The following KPNA5 variants were observed in gnomAD, a reference collection of about 807,000 sequenced individuals.
KPNA5 encodes karyopherin subunit alpha 5.
KPNA5 carries 46 observed loss-of-function variants against 71.3 expected under a neutral mutation model. The ratio of observed to expected loss-of-function variants is 0.65; its 90% CI spans 0.51 to 0.83. The LOEUF is 0.83. Ranked by LOEUF, KPNA5 falls within the 40% of genes least tolerant of loss-of-function variation. KPNA5 has a pLI of 0.00. For synonymous variants in KPNA5, 207 were observed against 201.4 expected, an observed-to-expected ratio of 1.03 and a Z score of -0.24; for missense variants, 547 against 628.3, an observed-to-expected ratio of 0.87 and a Z score of 1.38.
intron 1 of KPNA5, among the ~76,000 whole-genome samples, chr6:116,682,404 A>C (rs1777398907): frequency 6.6e-6 from 1 of 152,250 alleles, no homozygotes; most frequent in South Asian, 2.1e-4. Context: ...AGACAAAAAC[A>C]CTAATGATTT....
chr6:116,731,086 T>C (rs1218076764), intron 13 of KPNA5, among the ~76,000 whole-genome samples: 1 of 152,162 alleles, frequency 6.6e-6, no homozygotes, highest in East Asian at 1.9e-4. Context: ...TTTTTTTATT[T>C]GCCAAGTTTT....
chr6:116,689,719 C>T (rs1777721182), intron 2 of KPNA5, among the ~76,000 whole-genome samples: 1 of 152,122 alleles, frequency 6.6e-6, no homozygotes, highest in African/African-American at 2.4e-5. Flanking sequence ...CCTCTTGCAT[C>T]TATTTAGATC....
At chr6:116,709,919 C>T (rs1778588758) in intron 7 of KPNA5, among the ~76,000 whole-genome samples, 1 of 152,040 alleles carries the variant, frequency 6.6e-6, no homozygotes, top group African/African-American at 2.4e-5. Context: ...CACTACCACG[C>T]CCAGCTAATT....
At position 116,737,907 on chromosome 6, in the gene KPNA5, T is replaced by C. The variant is rs1276845017; in HGVS notation, c.*5584T>C. 4 of 151,970 alleles carry C rather than the reference T, an allele frequency of 2.6e-5. No individual in the cohort carries two copies. Among genetic ancestry groups the C allele is most frequent in the African/African-American group, 9.7e-5 (4 of 41,432 alleles). The allele number at this position is 151,970 out of a possible 1,614,324, so 9.4% of individuals were successfully genotyped here. A position where few individuals can be genotyped will look rare whatever the true frequency, so the allele number is the denominator to read the frequency against. ...CATAATTTTAGAATTTCCAATCTTTTATTCTCTTTGGATTTATTCTTAAGT... is the reference window on the plus strand; with the variant it reads ...CATAATTTTAGAATTTCCAATCTTTCATTCTCTTTGGATTTATTCTTAAGT... On this transcript the variant is annotated 3_prime_UTR_variant, in exon 14 of 14. Coordinates refer to ENST00000368564, the MANE Select transcript of KPNA5 (RefSeq NM_001366306.2).
Position 116,733,032 on chromosome 6 carries a change from T to C in KPNA5, c.*709T>C, listed in dbSNP as rs1779552315. 1 of 151,862 alleles carries C rather than the reference T, an allele frequency of 6.6e-6. No individual in the cohort carries two copies. Among genetic ancestry groups the C allele is most frequent in the Admixed American group, 6.6e-5 (1 of 15,206 alleles). The allele number at this position is 151,862 out of a possible 1,614,324, so 9.4% of individuals were successfully genotyped here. ...TTACTTTATAAAATGTTTAAATATT[T>C]CTGTTTTTAACATATAAGTGCTATG... On this transcript the variant is annotated 3_prime_UTR_variant, in exon 14 of 14. Coordinates refer to ENST00000368564, the MANE Select transcript of KPNA5 (RefSeq NM_001366306.2).
chr6:116,719,533 G>GT (rs747380261), intron 8 of KPNA5, among the ~76,000 whole-genome samples: 7 of 152,110 alleles, frequency 4.6e-5, no homozygotes, highest in Non-Finnish European at 7.4e-5. Flanking sequence ...GAGGTATAGA[G>GT]TAGGTAACAT....
chr6:116,686,725 G>C (rs190148234), intron 1 of KPNA5, among the ~76,000 whole-genome samples: 2 of 152,132 alleles, frequency 1.3e-5, no homozygotes, highest in African/African-American at 4.8e-5. Context: ...GTATATGGAA[G>C]GGGTCCAGTT....
chr6:116,716,437 C>A, intron 8 of KPNA5, 119 bp downstream of exon 8: 2 of 717,318 alleles, frequency 2.8e-6, no homozygotes, highest in Non-Finnish European at 4.8e-6. Flanking sequence ...CTTTATTGAC[C>A]AATGTTTGCA....
intron 7 of KPNA5, among the ~76,000 whole-genome samples, chr6:116,711,187 C>A (rs1188350616): frequency 6.6e-6 from 1 of 151,314 alleles, no homozygotes; most frequent in Non-Finnish European, 1.5e-5. Context: ...AGCCACCGCG[C>A]CCAGCCAAAT....
chr6:116,726,435 T>C, intron 11 of KPNA5, 60 bp from the exon 12 acceptor site: 4 of 1,378,276 alleles, frequency 2.9e-6, no homozygotes, highest in Non-Finnish European at 3.9e-6. Flanking sequence ...CAAGATTTTT[T>C]TTACTGGTAA....
intron 8 of KPNA5, among the ~76,000 whole-genome samples, chr6:116,716,574 A>G (rs1778896608): frequency 6.6e-6 from 1 of 152,188 alleles, no homozygotes; most frequent in Non-Finnish European, 1.5e-5. Flanking sequence ...TGATTTCAGA[A>G]ATCTTCTAGT....
chr6:116,704,613 G>C (rs926570848), intron 6 of KPNA5, among the ~76,000 whole-genome samples: 2 of 151,804 alleles, frequency 1.3e-5, no homozygotes, highest in Non-Finnish European at 2.9e-5. Context: ...TTTGGAGACA[G>C]GGTTTCGCTC....
chr6:116,708,822 GT>G (rs1222131297), intron 7 of KPNA5, among the ~76,000 whole-genome samples: 1 of 152,120 alleles, frequency 6.6e-6, no homozygotes, highest in African/African-American at 2.4e-5. Flanking sequence ...GTCTTGCTCT[GT>G]CACCTAGGCT....
In KPNA5 at chr6:116,739,457, C is replaced by G. The variant is rs1351335970; in HGVS notation, c.*7134C>G. 1.3e-5 allele frequency: 2 copies of G among 152,186 alleles called. No homozygotes were observed. Among genetic ancestry groups the G allele is most frequent in the African/African-American group, 4.8e-5 (2 of 41,436 alleles). 9.4% of individuals were successfully genotyped at this position (152,186 alleles called of 1,614,324 possible). A position where few individuals can be genotyped will look rare whatever the true frequency, so the allele number is the denominator to read the frequency against. On this transcript the variant is annotated 3_prime_UTR_variant, in exon 14 of 14. Coordinates refer to ENST00000368564, the MANE Select transcript of KPNA5 (RefSeq NM_001366306.2). ...TTTATAGATTCAATGCCATCCCCAT[C>G]AAGCTACCAATGCCTTTCTTCACAG...
intron 7 of KPNA5, among the ~76,000 whole-genome samples, chr6:116,714,007 A>G (rs1453237216): frequency 1.3e-5 from 2 of 152,132 alleles, no homozygotes; most frequent in Non-Finnish European, 2.9e-5. Flanking sequence ...ATGAATTTAA[A>G]ATCTTTGCAT....
rs1199764329 is a variant in KPNA5, at chr6:116,711,697, AT to A, written c.657-4519del. Among the ~76,000 whole-genome samples the A allele has an allele frequency of 2.0e-5, 3 of 152,210 alleles. No individual in the cohort carries two copies. The East Asian group carries it at 5.8e-4, about 29-fold the overall frequency. The stretch of plus-strand genomic sequence containing the variant: ...CTTTTTATGATTTCACTTTTCAAAA[AT>A]TTATCAGAGCTCAAGTGATCTGCCT... On this transcript the variant is annotated intron_variant, in intron 7 of 13. Transcript: ENST00000368564.
At chr6:116,698,603 C>G in intron 4 of KPNA5, 101 bp from the exon 5 acceptor site, 1 of 651,432 alleles carries the variant, frequency 1.5e-6, no homozygotes, top group East Asian at 3.3e-5. Flanking sequence ...GTCAGGGAAA[C>G]CTAGGAAAGA....
At chr6:116,715,056 T>C (rs1426740618) in intron 7 of KPNA5, among the ~76,000 whole-genome samples, 2 of 152,176 alleles carry the variant, frequency 1.3e-5, no homozygotes, top group East Asian at 3.9e-4. Flanking sequence ...AACTTTTGAC[T>C]ATCTTCAGAG....
rs796270712 is a variant in KPNA5, at chr6:116,738,576, G to A, written c.*6253G>A. ...AGAGAATTTTAGACCAATATCCTTG[G>A]TGAACATTGATGCAAAAATCCTCAA... On this transcript the variant is annotated 3_prime_UTR_variant, in exon 14 of 14. Transcript: ENST00000368564. The A allele has an allele frequency of 1.7e-4, 26 of 151,816 alleles. 1 individual carries two copies. The South Asian group carries it at 3.5e-3, about 21-fold the overall frequency. 9.4% of individuals were successfully genotyped at this position (151,816 alleles called of 1,614,324 possible). A position where few individuals can be genotyped will look rare whatever the true frequency, so the allele number is the denominator to read the frequency against.
Sources: allele counts gnomAD v4.1 joint callset (sites outside exome capture counted in the v4.1 genomes callset), GRCh38; gene constraint gnomAD v4.1.1; transcripts MANE v1.5; gene names NCBI Gene and HGNC (gene_info 2026-07-23, HGNC 2026-07-21).